Variants in PKNOX2 observed in about 807,000 individuals in gnomAD.
PKNOX2 encodes the protein PBX/knotted 1 homeobox 2, also known as homeobox protein PKNOX2.
Under a neutral mutation model 53.1 loss-of-function variants are expected in PKNOX2, and 14 were observed. The ratio of observed to expected loss-of-function variants is 0.26; its 90% confidence interval spans 0.17 to 0.41. The LOEUF (loss-of-function observed/expected upper bound fraction) is 0.41. PKNOX2 is among the 10% of genes least tolerant of loss of function. The probability of loss-of-function intolerance (pLI) is 1.00; values close to 1 mark genes in which losing one functional copy is unlikely to be tolerated. For synonymous variants in PKNOX2, 257 were observed against 242.8 expected (o/e 1.06, Z -0.54); for missense variants, 496 against 602.8 (o/e 0.82, Z 1.85).
chr11:125,279,204 C>T lies in PKNOX2; in HGVS notation c.-130+44089C>T, dbSNP rs112069662. Among the ~76,000 whole-genome samples the T allele has an allele frequency of 2.0e-4, 31 of 152,298 alleles. 1 individual carries two copies. Among genetic ancestry groups the T allele is most frequent in the African/African-American group, 6.7e-4 (28 of 41,564 alleles). On this transcript the variant is annotated intron_variant, in intron 2 of 12. Coordinates refer to ENST00000298282, the MANE Select transcript of PKNOX2 (RefSeq NM_001382323.2). Reference sequence around the variant, plus strand: ...ATGCCTGTGTGGCAACATGTAGGTGCCATGGCCTGTGAACCGCAGTGAGCA... The same window carrying T: ...ATGCCTGTGTGGCAACATGTAGGTGTCATGGCCTGTGAACCGCAGTGAGCA...
At chr11:125,336,999 T>C (rs1273050085) in intron 3 of PKNOX2, among the ~76,000 whole-genome samples, 1 of 150,678 alleles carries the variant, frequency 6.6e-6, no homozygotes, top group East Asian at 1.9e-4. Flanking sequence ...CTGTATATAA[T>C]ATACTGTATA....
At chr11:125,203,525 G>A (rs1322882836) in intron 1 of PKNOX2, among the ~76,000 whole-genome samples, 1 of 152,220 alleles carries the variant, frequency 6.6e-6, no homozygotes, top group Non-Finnish European at 1.5e-5. Flanking sequence ...CAGGCAATGG[G>A]CAGAGCTGTA....
intron 3 of PKNOX2, among the ~76,000 whole-genome samples, chr11:125,345,924 A>T (rs1278113922): frequency 6.6e-6 from 1 of 152,132 alleles, no homozygotes; most frequent in Non-Finnish European, 1.5e-5. Flanking sequence ...GGGCCCTGCG[A>T]CGCCACCTAC....
rs1029811763 is a variant in PKNOX2, at chr11:125,293,348, C to T, written c.-129-38471C>T. ...GCAGGTGGATGACTAATGGGGCAAG[C>T]GGGTGAAATGTAGCTCTCCCTACCT... On this transcript the variant is annotated intron_variant, in intron 2 of 12. Coordinates refer to ENST00000298282, the MANE Select transcript of PKNOX2 (RefSeq NM_001382323.2). Among the ~76,000 whole-genome samples, 5 of 152,192 alleles carry T rather than the reference C, an allele frequency of 3.3e-5. No homozygotes were observed. In the East Asian group the frequency reaches 5.8e-4, roughly 18 times the overall value.
intron 2 of PKNOX2, among the ~76,000 whole-genome samples, chr11:125,294,304 C>A (rs1016513806): frequency 6.6e-6 from 1 of 152,054 alleles, no homozygotes; most frequent in African/African-American, 2.4e-5. Flanking sequence ...TGAGGTAAGC[C>A]CCCCCATCTT....
chr11:125,368,014 C>A, intron 5 of PKNOX2, 29 bp downstream of exon 5: 4 of 1,600,274 alleles, frequency 2.5e-6, no homozygotes, highest in Non-Finnish European at 3.4e-6. Flanking sequence ...GTGTCTACAG[C>A]CCTCAACCAG....
chr11:125,286,790 T>C (rs2017226), intron 2 of PKNOX2, among the ~76,000 whole-genome samples: 27,808 of 152,252 alleles, frequency 0.18, 2,719 homozygotes, highest in East Asian at 0.27. Context: ...TGGACCTTGG[T>C]CTCTTCTTGT....
intron 1 of PKNOX2, among the ~76,000 whole-genome samples, chr11:125,206,071 A>T (rs113054843): frequency 0.012 from 1,878 of 152,088 alleles, 33 homozygotes; most frequent in African/African-American, 0.042. Flanking sequence ...GATGGAGCTC[A>T]GCTCAGTGCA....
chr11:125,396,764 T>C (rs1954432823), intron 6 of PKNOX2, among the ~76,000 whole-genome samples: 1 of 152,220 alleles, frequency 6.6e-6, no homozygotes, highest in African/African-American at 2.4e-5. Flanking sequence ...ATTCAGCAAA[T>C]GTTTACTCCA....
intron 1 of PKNOX2, among the ~76,000 whole-genome samples, chr11:125,208,970 G>C (rs1034934402): frequency 6.6e-6 from 1 of 152,010 alleles, no homozygotes; most frequent in Non-Finnish European, 1.5e-5. Context: ...CCGGGTTTCA[G>C]GGTCTCAGGA....
At chr11:125,175,421 C>T (rs1410509215) in intron 1 of PKNOX2, among the ~76,000 whole-genome samples, 3 of 152,202 alleles carry the variant, frequency 2.0e-5, no homozygotes, top group Non-Finnish European at 4.4e-5. Context: ...CAGGCTGCCA[C>T]AGCTAGCTTG....
At chr11:125,348,883 G>T (rs867437699) in intron 3 of PKNOX2, among the ~76,000 whole-genome samples, 13 of 152,180 alleles carry the variant, frequency 8.5e-5, no homozygotes, top group African/African-American at 2.9e-4. Context: ...CTAAGAGGGG[G>T]AGAAAGCCCT....
At chr11:125,332,281 G>A (rs1950186677) in intron 3 of PKNOX2, among the ~76,000 whole-genome samples, 1 of 152,132 alleles carries the variant, frequency 6.6e-6, no homozygotes, top group African/African-American at 2.4e-5. Context: ...ATGACCTGGT[G>A]GTGGCGGGGT....
intron 2 of PKNOX2, among the ~76,000 whole-genome samples, chr11:125,317,809 C>T (rs962111358): frequency 2.6e-5 from 4 of 152,170 alleles, no homozygotes; most frequent in Non-Finnish European, 5.9e-5. Flanking sequence ...GCTGCATTGG[C>T]CAGTAATAAA....
At chr11:125,222,482 T>C (rs2135505196) in intron 1 of PKNOX2, among the ~76,000 whole-genome samples, 1 of 152,322 alleles carries the variant, frequency 6.6e-6, no homozygotes, top group East Asian at 1.9e-4. Context: ...AGGGACTGGG[T>C]TAAAGAACAG....
intron 1 of PKNOX2, among the ~76,000 whole-genome samples, chr11:125,197,748 T>A (rs1591477838): frequency 6.6e-6 from 1 of 151,952 alleles, no homozygotes; most frequent in Non-Finnish European, 1.5e-5. Flanking sequence ...AAGACACACA[T>A]CCCCCAGGGT....
At chr11:125,233,359 A>G (rs1433426561) in intron 1 of PKNOX2, among the ~76,000 whole-genome samples, 1 of 152,216 alleles carries the variant, frequency 6.6e-6, no homozygotes, top group Non-Finnish European at 1.5e-5. Flanking sequence ...CCAAGTTCAT[A>G]TCATGCTCAG....
intron 4 of PKNOX2, among the ~76,000 whole-genome samples, chr11:125,361,438 A>G (rs902461167): frequency 1.3e-4 from 20 of 152,222 alleles, no homozygotes; most frequent in African/African-American, 4.6e-4. Context: ...CCCAGAAGGT[A>G]AAGTTCCATC....
At chr11:125,164,864 C>G (rs969077000) in intron 1 of PKNOX2, 88 bp downstream of exon 1, 2 of 174,598 alleles carry the variant, frequency 1.1e-5, no homozygotes, top group African/African-American at 4.8e-5. Flanking sequence ...GCGGCTGCCT[C>G]AGAGCGCGTG....
Sources: allele counts gnomAD v4.1 joint callset (sites outside exome capture counted in the v4.1 genomes callset), GRCh38; gene constraint gnomAD v4.1.1; transcripts MANE v1.5; gene names NCBI Gene and HGNC (gene_info 2026-07-23, HGNC 2026-07-21).